The following EXOC6B variants were observed in gnomAD, a reference collection of about 807,000 sequenced individuals.
The protein encoded by EXOC6B is SEC15 homolog B.
Under a neutral mutation model 113.5 loss-of-function variants are expected in EXOC6B, and 54 were observed. The ratio of observed to expected loss-of-function variants is 0.48; its 90% CI spans 0.38 to 0.60. The LOEUF is 0.60. Among genes scored for constraint, EXOC6B ranks in the 20% least tolerant of loss-of-function variants. EXOC6B has a pLI of 0.00. For missense variants in EXOC6B, 797 were observed against 977.5 expected, an observed-to-expected ratio of 0.82 and a Z score of 2.46; for synonymous variants, 357 against 339.0, an observed-to-expected ratio of 1.05 and a Z score of -0.58.
chr2:72,254,864 G>A (rs572230004), intron 20 of EXOC6B, among the ~76,000 whole-genome samples: 1 of 152,290 alleles, frequency 6.6e-6, no homozygotes, highest in Non-Finnish European at 1.5e-5. Flanking sequence ...CAAGCAAAAT[G>A]TTGAAGATGC....
chr2:72,243,601 G>A (rs539576127), intron 20 of EXOC6B, among the ~76,000 whole-genome samples: 1 of 152,254 alleles, frequency 6.6e-6, no homozygotes, highest in Admixed American at 6.5e-5. Flanking sequence ...TGTGGGGTGG[G>A]GGGCACAGGG....
intron 1 of EXOC6B, among the ~76,000 whole-genome samples, chr2:72,753,170 C>G (rs1001762443): frequency 1.3e-5 from 2 of 151,770 alleles, no homozygotes; most frequent in Non-Finnish European, 2.9e-5. Flanking sequence ...ACTCAGGAGG[C>G]TGAAATGGGA....
intron 20 of EXOC6B, among the ~76,000 whole-genome samples, chr2:72,257,704 G>A (rs1683437256): frequency 6.6e-6 from 1 of 152,122 alleles, no homozygotes; most frequent in Admixed American, 6.6e-5. Flanking sequence ...AAACACTGAT[G>A]CCTTCCTATT....
At chr2:72,179,577 G>T in intron 21 of EXOC6B, 116 bp from the exon 22 acceptor site, 2 of 1,195,620 alleles carry the variant, frequency 1.7e-6, no homozygotes, top group South Asian at 1.3e-5. Context: ...TAATGAGAGA[G>T]TCCAGAATAT....
intron 11 of EXOC6B, among the ~76,000 whole-genome samples, chr2:72,511,515 G>A (rs1158415763): frequency 6.6e-6 from 1 of 151,960 alleles, no homozygotes; most frequent in African/African-American, 2.4e-5. Flanking sequence ...ATTATCACTT[G>A]CCTGGAATAC....
chr2:72,717,988 T>TC, intron 6 of EXOC6B, 115 bp downstream of exon 6: 1 of 747,698 alleles, frequency 1.3e-6, no homozygotes, highest in Non-Finnish European at 2.1e-6. Flanking sequence ...AGGACTTCCC[T>TC]AAAATGATAA....
At chr2:72,734,978 C>T (rs888611260) in intron 2 of EXOC6B, among the ~76,000 whole-genome samples, 6 of 151,990 alleles carry the variant, frequency 3.9e-5, no homozygotes, top group African/African-American at 7.3e-5. Context: ...AAAGTGGCTC[C>T]GTAAAAATGG....
intron 20 of EXOC6B, among the ~76,000 whole-genome samples, chr2:72,324,584 A>T (rs1572914475): frequency 6.6e-6 from 1 of 152,326 alleles, no homozygotes; most frequent in East Asian, 1.9e-4. Context: ...ATATTGTCTT[A>T]TTTAATGCTT....
chr2:72,356,803 T>C (rs1476708308), intron 19 of EXOC6B, among the ~76,000 whole-genome samples: 1 of 152,184 alleles, frequency 6.6e-6, no homozygotes, highest in African/African-American at 2.4e-5. Context: ...CAGTCATCTA[T>C]GGTCAACCAC....
At chr2:72,243,250 C>T (rs898752773) in intron 20 of EXOC6B, among the ~76,000 whole-genome samples, 1 of 152,050 alleles carries the variant, frequency 6.6e-6, no homozygotes, top group Admixed American at 6.5e-5. Flanking sequence ...TGGGTATATA[C>T]CCAAAGGATT....
intron 8 of EXOC6B, among the ~76,000 whole-genome samples, chr2:72,522,569 A>G (rs765894220): frequency 6.6e-6 from 1 of 152,214 alleles, no homozygotes; most frequent in Non-Finnish European, 1.5e-5. Context: ...TCATGATCTC[A>G]TAATGCTTAC....
Position 72,718,208 on chromosome 2 carries a change from G to A in EXOC6B, c.564C>T (p.Pro188=). The part of the protein sequence containing the change: ...RFCKVMVDNI[P]KLREEIKDVS... ...CATCTTTTATTTCTTCTCGAAGCTT[G>A]GGGATGTTGTCCACCATCACCTTGC... is the stretch of plus-strand genomic sequence containing the variant. Residue 188 remains proline, a synonymous_variant, in exon 6 of 22, where the codon CCC becomes CCT. Transcript: ENST00000272427. 1.2e-6 allele frequency: 2 copies of A among 1,613,842 alleles called. No individual in the cohort carries two copies. The highest frequency in any genetic ancestry group is 1.1e-5 in the South Asian group (1 of 91,078).
chr2:72,563,803 C>A (rs964624988), intron 7 of EXOC6B, among the ~76,000 whole-genome samples: 2 of 151,894 alleles, frequency 1.3e-5, no homozygotes, highest in African/African-American at 4.8e-5. Flanking sequence ...TCTCTAAGAA[C>A]GGAAAAGTAA....
intron 16 of EXOC6B, among the ~76,000 whole-genome samples, chr2:72,488,368 T>C (rs1699545036): frequency 6.6e-6 from 1 of 152,140 alleles, no homozygotes; most frequent in Non-Finnish European, 1.5e-5. Flanking sequence ...TCAGTGATAG[T>C]ATCCAGTAGC....
intron 19 of EXOC6B, among the ~76,000 whole-genome samples, chr2:72,348,528 T>A (rs1021004080): frequency 1.1e-4 from 16 of 152,154 alleles, no homozygotes; most frequent in African/African-American, 3.9e-4. Context: ...CTTTCTTATA[T>A]CTAATTTATT....
At chr2:72,788,505 C>A (rs1412632329) in intron 1 of EXOC6B, among the ~76,000 whole-genome samples, 1 of 152,160 alleles carries the variant, frequency 6.6e-6, no homozygotes, top group African/African-American at 2.4e-5. Flanking sequence ...TATCAAGAAT[C>A]TGCCAGCTGG....
In EXOC6B at chr2:72,294,810, C is replaced by T. The variant is rs1052968235; in HGVS notation, c.2196+40137G>A. Reference sequence around the variant, plus strand: ...CAAGAATAAAAGACAATCTATTCCACACTTCTTCTCATTTCCCAATCTGAT... The same window carrying T: ...CAAGAATAAAAGACAATCTATTCCATACTTCTTCTCATTTCCCAATCTGAT... On this transcript the variant is annotated intron_variant, in intron 20 of 21. Coordinates refer to ENST00000272427, the MANE Select transcript of EXOC6B (RefSeq NM_015189.3). Among the ~76,000 whole-genome samples, 4 of 152,168 alleles carry T rather than the reference C, an allele frequency of 2.6e-5. No individual in the cohort carries two copies. The South Asian group carries it at 8.3e-4, about 32-fold the overall frequency.
At chr2:72,251,121 T>C (rs1682993340) in intron 20 of EXOC6B, among the ~76,000 whole-genome samples, 2 of 118,396 alleles carry the variant, frequency 1.7e-5, no homozygotes, top group South Asian at 5.1e-4. Context: ...TGGCAATGTC[T>C]CCATAGTTGC....
At chr2:72,385,515 G>A (rs1453114306) in intron 18 of EXOC6B, among the ~76,000 whole-genome samples, 4 of 150,266 alleles carry the variant, frequency 2.7e-5, no homozygotes, top group Admixed American at 6.6e-5. Flanking sequence ...CAGACACACA[G>A]GATTACATCA....
Sources: gnomAD v4.1 joint callset for allele counts (sites outside exome capture counted in the v4.1 genomes callset) on GRCh38, gnomAD v4.1.1 for gene constraint, MANE v1.5 for transcripts, NCBI Gene and HGNC (gene_info 2026-07-23, HGNC 2026-07-21) for gene names.